EXOC4: variants seen among roughly 807,000 people sequenced by gnomAD.
The protein encoded by EXOC4 is exocyst complex component 4, also known as SEC8-like 1.
EXOC4 carries 71 observed loss-of-function variants against 107.2 expected under a neutral mutation model. The ratio of observed to expected loss-of-function variants is 0.66; its 90% confidence interval spans 0.55 to 0.81. The LOEUF is 0.81. Among genes scored for constraint, EXOC4 ranks in the 30% least tolerant of loss-of-function variants. The pLI, the probability that EXOC4 is intolerant of heterozygous loss-of-function variation, is 0.00. For missense variants in EXOC4, 1,108 were observed against 1,189.6 expected (o/e 0.93, Z 1.01); for synonymous variants, 456 against 441.2 (o/e 1.03, Z -0.42).
chr7:133,699,893 C>T (rs1333534492), intron 10 of EXOC4, among the ~76,000 whole-genome samples: 1 of 152,162 alleles, frequency 6.6e-6, no homozygotes, highest in Non-Finnish European at 1.5e-5. Context: ...ACTAATTTCA[C>T]ATTATATAAT....
chr7:133,563,134 T>A (rs973477805), intron 9 of EXOC4, among the ~76,000 whole-genome samples: 4 of 152,212 alleles, frequency 2.6e-5, no homozygotes, highest in Admixed American at 1.3e-4. Flanking sequence ...TTTGTACTAG[T>A]GGGTTGTCAC....
intron 10 of EXOC4, among the ~76,000 whole-genome samples, chr7:133,638,375 C>T (rs1296329177): frequency 1.3e-5 from 2 of 152,254 alleles, no homozygotes; most frequent in Admixed American, 6.5e-5. Flanking sequence ...GTAAGCCTTC[C>T]TAATATACTG....
At chr7:133,410,814 AAAT>A (rs913440443) in intron 7 of EXOC4, among the ~76,000 whole-genome samples, 7 of 152,304 alleles carry the variant, frequency 4.6e-5, no homozygotes, top group Admixed American at 2.0e-4. Context: ...TTAGCTTTAA[AAAT>A]AATGTCACAT....
At chr7:134,029,508 A>C (rs144702634) in intron 17 of EXOC4, among the ~76,000 whole-genome samples, 1 of 147,714 alleles carries the variant, frequency 6.8e-6, no homozygotes, top group African/African-American at 2.4e-5. Context: ...TGATTGATTG[A>C]TTGCTTTTAT....
chr7:133,936,333 C>G lies in EXOC4; in HGVS notation c.2028-1558C>G, dbSNP rs77297336. On this transcript the variant is annotated intron_variant, in intron 13 of 17. Transcript: ENST00000253861. ...ACATTTTAGATAACGATTTGATTCA[C>G]AGCAGTTGTTTCTTTCAACATTGGG... Among the ~76,000 whole-genome samples the G allele has an allele frequency of 6.9e-3, 1,051 of 152,366 alleles. 32 individuals are homozygous for G. The East Asian group carries it at 0.11, about 16-fold the overall frequency.
intron 10 of EXOC4, among the ~76,000 whole-genome samples, chr7:133,788,756 G>A (rs1278118171): frequency 6.6e-6 from 1 of 152,148 alleles, no homozygotes; most frequent in Non-Finnish European, 1.5e-5. Context: ...GCCTCCCAAA[G>A]TGCTGGGATT....
intron 7 of EXOC4, among the ~76,000 whole-genome samples, chr7:133,399,337 C>T (rs1409173773): frequency 6.6e-6 from 1 of 152,054 alleles, no homozygotes; most frequent in Non-Finnish European, 1.5e-5. Flanking sequence ...TAGGAATGTG[C>T]ACACATTGTA....
At chr7:133,815,372 CA>C (rs531468167) in intron 10 of EXOC4, among the ~76,000 whole-genome samples, 8,337 of 69,560 alleles carry the variant, frequency 0.12, 561 homozygotes, top group African/African-American at 0.3. Context: ...AAGACTGCTT[CA>C]AAAAAAAAAA....
chr7:133,370,899 A>T lies in EXOC4; in HGVS notation c.1008-3929A>T, dbSNP rs553960815. Among the ~76,000 whole-genome samples, 21 of 152,284 alleles carry T rather than the reference A, an allele frequency of 1.4e-4. No individual in the cohort carries two copies. In the South Asian group the frequency reaches 1.5e-3, roughly 11 times the overall value. ...TGTGAGTCTCTTAGAACAGTTATTAATTAATACTTTCACTTTGCAGACGGG... is the reference window on the plus strand; with the variant it reads ...TGTGAGTCTCTTAGAACAGTTATTATTTAATACTTTCACTTTGCAGACGGG... On this transcript the variant is annotated intron_variant, in intron 6 of 17. Coordinates refer to ENST00000253861, the MANE Select transcript of EXOC4 (RefSeq NM_021807.4).
At chr7:133,980,869 G>A (rs1355545845) in intron 14 of EXOC4, among the ~76,000 whole-genome samples, 4 of 152,130 alleles carry the variant, frequency 2.6e-5, no homozygotes, top group Non-Finnish European at 2.9e-5. Flanking sequence ...TGTTACTAAC[G>A]TATAAAGACA....
chr7:134,073,783 T>C, the EXOC4 span, among the ~76,000 whole-genome samples: 2 of 152,088 alleles, frequency 1.3e-5, no homozygotes, highest in Non-Finnish European at 2.9e-5. Flanking sequence ...GGGGTTTTGG[T>C]GAGAGGCTTC....
chr7:133,605,340 T>G (rs561311285), intron 9 of EXOC4, among the ~76,000 whole-genome samples: 183 of 152,316 alleles, frequency 1.2e-3, no homozygotes, highest in Middle Eastern at 0.01. Flanking sequence ...CAATTATCAC[T>G]ACTATCTATT....
chr7:133,930,057 G>A (rs1800142134), intron 13 of EXOC4, among the ~76,000 whole-genome samples: 1 of 152,174 alleles, frequency 6.6e-6, no homozygotes, highest in South Asian at 2.1e-4. Context: ...ATAAAGTATG[G>A]CTTTTAAACC....
intron 9 of EXOC4, among the ~76,000 whole-genome samples, chr7:133,601,663 C>G (rs1801809784): frequency 6.6e-6 from 1 of 152,210 alleles, no homozygotes; most frequent in Non-Finnish European, 1.5e-5. Flanking sequence ...ACAGGATGGG[C>G]TAGCAGTTTC....
chr7:133,412,274 T>A (rs1436316692), intron 7 of EXOC4, among the ~76,000 whole-genome samples: 3 of 117,522 alleles, frequency 2.6e-5, no homozygotes, highest in Non-Finnish European at 5.2e-5. Flanking sequence ...ACTGTCAGAA[T>A]TCAGTTTTTT....
chr7:133,509,452 G>A (rs1049036519), intron 9 of EXOC4, among the ~76,000 whole-genome samples: 2 of 151,860 alleles, frequency 1.3e-5, no homozygotes, highest in Non-Finnish European at 2.9e-5. Flanking sequence ...AATATAAGCA[G>A]AGGTAGTTGG....
chr7:133,381,346 G>T (rs1303532437), intron 7 of EXOC4, among the ~76,000 whole-genome samples: 3 of 152,118 alleles, frequency 2.0e-5, no homozygotes, highest in Non-Finnish European at 4.4e-5. Flanking sequence ...AATGTAAGAA[G>T]AGTAGTAGAT....
At chr7:134,049,598 C>G (rs1160994370) in intron 17 of EXOC4, among the ~76,000 whole-genome samples, 1 of 152,204 alleles carries the variant, frequency 6.6e-6, no homozygotes, top group Non-Finnish European at 1.5e-5. Context: ...CTCTCAGAAA[C>G]CTACAGCCCT....
At chr7:133,960,785 A>G (rs942627237) in intron 14 of EXOC4, among the ~76,000 whole-genome samples, 5 of 152,208 alleles carry the variant, frequency 3.3e-5, no homozygotes, top group Non-Finnish European at 7.4e-5. Context: ...GATTGATTAT[A>G]AGATCACAGA....
Sources: allele counts gnomAD v4.1 joint callset (sites outside exome capture counted in the v4.1 genomes callset), GRCh38; gene constraint gnomAD v4.1.1; transcripts MANE v1.5; gene names NCBI Gene and HGNC (gene_info 2026-07-23, HGNC 2026-07-21).